GNS: variants seen among roughly 807,000 people sequenced by gnomAD.
The protein encoded by GNS is glucosamine (N-acetyl)-6-sulfatase.
GNS carries 40 observed loss-of-function variants against 69.7 expected under a neutral mutation model. The ratio of observed to expected loss-of-function variants is 0.57; its 90% CI spans 0.45 to 0.75. The LOEUF (loss-of-function observed/expected upper bound fraction) is 0.75, where lower values mean the gene tolerates loss of function less well. Among genes scored for constraint, GNS ranks in the 30% least tolerant of loss-of-function variants. GNS has a pLI of 0.00. For synonymous variants in GNS, 243 were observed against 251.6 expected (o/e 0.97, Z 0.32); for missense variants, 565 against 685.5 (o/e 0.82, Z 1.96).
chr12:64,721,772 GA>G, intron 11 of GNS, 67 bp from the exon 12 acceptor site: 1 of 866,050 alleles, frequency 1.2e-6, no homozygotes, highest in Non-Finnish European at 2.0e-6. Context: ...TAGTTGCCTA[GA>G]AGGGCAATCG....
intron 2 of GNS, among the ~76,000 whole-genome samples, chr12:64,749,734 T>C (rs1870016961): frequency 1.3e-5 from 2 of 152,204 alleles, no homozygotes; most frequent in Admixed American, 1.3e-4. Context: ...TTCCCATTTT[T>C]ACTTTTGCCT....
chr12:64,751,096 C>T (rs571119343), intron 2 of GNS, among the ~76,000 whole-genome samples: 28 of 152,182 alleles, frequency 1.8e-4, no homozygotes, highest in Admixed American at 1.7e-3. Context: ...ACCTGTAATC[C>T]TAGCACTTTG....
chr12:64,748,794 T>C (rs771699499), intron 2 of GNS, among the ~76,000 whole-genome samples: 2 of 152,126 alleles, frequency 1.3e-5, no homozygotes, highest in Non-Finnish European at 2.9e-5. Flanking sequence ...TAGCTTATAC[T>C]TGGACCAGCA....
intron 1 of GNS, among the ~76,000 whole-genome samples, chr12:64,754,282 A>G (rs1317311144): frequency 6.6e-6 from 1 of 152,166 alleles, no homozygotes. Flanking sequence ...AAGAGAATAA[A>G]CCAGGATGAT....
intron 9 of GNS, among the ~76,000 whole-genome samples, chr12:64,731,997 A>G (rs924135746): frequency 3.3e-5 from 5 of 151,716 alleles, no homozygotes; most frequent in South Asian, 2.1e-4. Context: ...AAATATATCT[A>G]TTTTTTGAGA....
intron 9 of GNS, among the ~76,000 whole-genome samples, chr12:64,730,262 C>G (rs1229989714): frequency 6.6e-6 from 1 of 151,990 alleles, no homozygotes; most frequent in African/African-American, 2.4e-5. Flanking sequence ...AAGTTATCAG[C>G]TTATAACTGG....
chr12:64,758,647 A>G (rs1870355019), intron 1 of GNS, among the ~76,000 whole-genome samples: 1 of 152,046 alleles, frequency 6.6e-6, no homozygotes, highest in South Asian at 2.1e-4. Flanking sequence ...TTGACATCAG[A>G]TACAGACATT....
intron 9 of GNS, among the ~76,000 whole-genome samples, chr12:64,730,169 A>G (rs770664124): frequency 6.6e-6 from 1 of 152,196 alleles, no homozygotes; most frequent in Non-Finnish European, 1.5e-5. Flanking sequence ...CAGGCATTTG[A>G]CATTTATTCT....
intron 8 of GNS, among the ~76,000 whole-genome samples, chr12:64,739,018 A>G (rs571584034): frequency 1.3e-5 from 2 of 152,300 alleles, no homozygotes; most frequent in South Asian, 4.1e-4. Context: ...GCTTTTGAAA[A>G]AAACAAAAAC....
chr12:64,726,221 G>T (rs1210998421), intron 10 of GNS, among the ~76,000 whole-genome samples: 1 of 151,920 alleles, frequency 6.6e-6, no homozygotes, highest in Non-Finnish European at 1.5e-5. Context: ...AAGCAGAGAG[G>T]TATGCCTATG....
intron 10 of GNS, among the ~76,000 whole-genome samples, chr12:64,724,927 T>C (rs752306641): frequency 2.0e-5 from 3 of 152,108 alleles, no homozygotes; most frequent in East Asian, 1.9e-4. Flanking sequence ...GAAGGTGGAA[T>C]TGAGTGAACT....
intron 9 of GNS, among the ~76,000 whole-genome samples, chr12:64,733,740 AG>A (rs2136242984): frequency 6.6e-6 from 1 of 152,346 alleles, no homozygotes; most frequent in South Asian, 2.1e-4. Flanking sequence ...CAAAGCCAAC[AG>A]GTCGTCTTCC....
chr12:64,732,153 ATTTTTTTTTTTTGTTGTTTTT>A (rs1282811515), intron 9 of GNS, among the ~76,000 whole-genome samples: 1 of 88,724 alleles, frequency 1.1e-5, no homozygotes, highest in African/African-American at 4.8e-5. Flanking sequence ...CACCTGGCTA[ATTTTTTTTTTTTGTTGTTTTT>A]TTTTTTTTTT....
rs1868823795 is a variant in GNS at position 64,715,218 on chromosome 12, T to C, written c.*1523A>G. The stretch of plus-strand genomic sequence containing the variant: ...GAACTGGTTTTTGAGCCAAGAAACA[T>C]AAAAATTTAGGTGTTCTTAGCCAAG... On this transcript the variant is annotated 3_prime_UTR_variant, in exon 14 of 14. Transcript: ENST00000258145. The C allele has an allele frequency of 6.6e-6, 1 of 152,260 alleles. No individual in the cohort carries two copies. The highest frequency in any genetic ancestry group is 6.5e-5 in the Admixed American group (1 of 15,270). 9.4% of individuals were successfully genotyped at this position (152,260 alleles called of 1,614,324 possible). A position where few individuals can be genotyped will look rare whatever the true frequency, so the allele number is the denominator to read the frequency against.
intron 10 of GNS, among the ~76,000 whole-genome samples, chr12:64,725,462 T>C (rs1456267900): frequency 1.3e-5 from 2 of 152,236 alleles, no homozygotes; most frequent in Non-Finnish European, 2.9e-5. Flanking sequence ...TGATGGCTAC[T>C]GAGCACATGA....
chr12:64,758,309 CTTTTTTTTTTTTTTTTTTTT>C (rs139394351), intron 1 of GNS, among the ~76,000 whole-genome samples: 3 of 67,368 alleles, frequency 4.5e-5, no homozygotes, highest in Admixed American at 2.0e-4. Context: ...CACTTCAGGC[CTTTTTTTTTTTTTTTTTTTT>C]TTTTTTTTTT....
intron 11 of GNS, 179 bp downstream of exon 11, chr12:64,722,827 G>A (rs989553563): frequency 9.7e-6 from 6 of 616,612 alleles, no homozygotes; most frequent in Non-Finnish European, 1.8e-5. Context: ...CTGATGACAG[G>A]TCAGCAGCAT....
At position 64,720,006 on chromosome 12, in the gene GNS, G is replaced by T. The variant is rs889819546; in HGVS notation, c.1580+16C>A. 6.2e-7 allele frequency: 1 copy of T among 1,604,132 alleles called. No individual in the cohort carries two copies. Among genetic ancestry groups the T allele is most frequent in the African/African-American group, 1.3e-5 (1 of 74,858 alleles). ...GAAAAAACTTGGCCAAGTAAATGAA[G>T]AGAAAGGAAACTTACCCGGGGTCAA... On this transcript the variant is annotated intron_variant, in intron 13 of 13. Coordinates refer to ENST00000258145, the MANE Select transcript of GNS (RefSeq NM_002076.4).
intron 8 of GNS, among the ~76,000 whole-genome samples, chr12:64,738,596 T>C (rs1869624488): frequency 6.6e-6 from 1 of 152,128 alleles, no homozygotes; most frequent in Non-Finnish European, 1.5e-5. Flanking sequence ...GCAGATTACC[T>C]GAGGTCAGGA....
Sources: gnomAD v4.1 joint callset for allele counts (sites outside exome capture counted in the v4.1 genomes callset) on GRCh38, gnomAD v4.1.1 for gene constraint, MANE v1.5 for transcripts, NCBI Gene and HGNC (gene_info 2026-07-23, HGNC 2026-07-21) for gene names.